Variants in GFRA1 observed in about 807,000 individuals in gnomAD.
The protein encoded by GFRA1 is GDNF family receptor alpha 1.
GFRA1 carries 16 observed loss-of-function variants against 51.6 expected under a neutral mutation model. The observed-to-expected ratio is 0.31, with a 90% CI of 0.21 to 0.47. The LOEUF is 0.47. GFRA1 is among the 20% of genes least tolerant of loss of function. GFRA1 has a pLI of 1.00. For synonymous variants in GFRA1, 270 were observed against 241.3 expected (o/e 1.12, Z -1.10); for missense variants, 530 against 594.3 (o/e 0.89, Z 1.13).
intron 6 of GFRA1, among the ~76,000 whole-genome samples, chr10:116,099,750 C>G (rs1956744475): frequency 6.6e-6 from 1 of 152,138 alleles, no homozygotes; most frequent in Non-Finnish European, 1.5e-5. Context: ...AACCCACAAT[C>G]TAGGTGCCAA....
intron 5 of GFRA1, among the ~76,000 whole-genome samples, chr10:116,204,711 T>A (rs1003136964): frequency 6.6e-6 from 1 of 152,124 alleles, no homozygotes; most frequent in Non-Finnish European, 1.5e-5. Flanking sequence ...AAAATAGTAA[T>A]AGATTAGAAC....
chr10:116,185,523 C>T (rs142198321), intron 5 of GFRA1, among the ~76,000 whole-genome samples: 34 of 152,294 alleles, frequency 2.2e-4, no homozygotes, highest in Admixed American at 2.1e-3. Context: ...CTGTTTACAC[C>T]TCCACTCCCC....
At chr10:116,094,115 A>G (rs942916933) in intron 7 of GFRA1, among the ~76,000 whole-genome samples, 5 of 152,178 alleles carry the variant, frequency 3.3e-5, no homozygotes, top group Non-Finnish European at 5.9e-5. Flanking sequence ...GTGGAGTAGG[A>G]AAGAATTAAC....
Position 116,064,437 on chromosome 10 carries a change from G to C in GFRA1, c.1359C>G (p.Thr453=). 6.2e-7 allele frequency: 1 copy of C among 1,612,678 alleles called. No individual in the cohort carries two copies. The highest frequency in any genetic ancestry group is 8.5e-7 in the Non-Finnish European group (1 of 1,179,606). Residue 453 remains threonine, a synonymous_variant, in exon 11 of 11, where the codon ACC becomes ACG. Coordinates refer to ENST00000355422, the MANE Select transcript of GFRA1 (RefSeq NM_005264.8). The part of the protein sequence containing the change: ...GLSPLLVLVV[T]ALSTLLSLTE... Reference sequence around the variant, plus strand: ...TTAAAGATAATAGGGTGGACAGAGCGGTTACCACCAGGACCAGCAGTGGGC... The same window carrying C: ...TTAAAGATAATAGGGTGGACAGAGCCGTTACCACCAGGACCAGCAGTGGGC...
Position 116,196,693 on chromosome 10 carries a change from TATATA to T in GFRA1, c.433+14933_433+14937del, listed in dbSNP as rs1439077453. ...ATAATATATATAATATATAGTACTA[TATATA>T]ATATATATTATATATAGTACTATAT... On this transcript the variant is annotated intron_variant, in intron 5 of 10. Transcript: ENST00000355422. 1.0e-4 allele frequency among the ~76,000 whole-genome samples: 5 copies of T among 48,348 alleles called. No individual in the cohort carries two copies. In the Admixed American group the frequency reaches 1.3e-3, roughly 13 times the overall value. 31.7% of individuals were successfully genotyped at this position (48,348 alleles called of 152,430 possible). A position where few individuals can be genotyped will look rare whatever the true frequency, so the allele number is the denominator to read the frequency against.
intron 9 of GFRA1, among the ~76,000 whole-genome samples, chr10:116,079,557 C>T (rs992178777): frequency 9.2e-5 from 14 of 152,120 alleles, no homozygotes; most frequent in African/African-American, 2.9e-4. Flanking sequence ...GCGCTTCTGC[C>T]CCCTGGAGAC....
At chr10:116,236,207 T>C (rs1054144877) in intron 4 of GFRA1, among the ~76,000 whole-genome samples, 2 of 152,110 alleles carry the variant, frequency 1.3e-5, no homozygotes, top group Non-Finnish European at 2.9e-5. Flanking sequence ...CAGCCCATGG[T>C]GCCCAAGGGG....
At chr10:116,114,958 G>A (rs1468355286) in intron 6 of GFRA1, among the ~76,000 whole-genome samples, 1 of 152,154 alleles carries the variant, frequency 6.6e-6, no homozygotes, top group Non-Finnish European at 1.5e-5. Flanking sequence ...CCAGTGGCTG[G>A]TGTCATAAGA....
intron 5 of GFRA1, among the ~76,000 whole-genome samples, chr10:116,151,962 T>C (rs1162166703): frequency 6.6e-6 from 1 of 151,970 alleles, no homozygotes; most frequent in Non-Finnish European, 1.5e-5. Flanking sequence ...AGAGGTGACT[T>C]GAGAGGTGGA....
intron 5 of GFRA1, among the ~76,000 whole-genome samples, chr10:116,128,961 T>C (rs926588022): frequency 5.9e-5 from 9 of 152,154 alleles, no homozygotes; most frequent in Admixed American, 1.3e-4. Flanking sequence ...TGACTTAGCC[T>C]CACTTTCTAC....
chr10:116,271,012 C>A lies in GFRA1; in HGVS notation c.144G>T (p.Thr48=), dbSNP rs75680382. The change falls in exon 3 of 11, where the codon ACG becomes ACT. Residue 48 remains threonine, a synonymous_variant. Transcript: ENST00000355422. ...CCTTGCCCGCCACGCACTGCCTTAG[C>A]GTGCGGTACTTGGTGCTGCAGCTCT... ...KEQSCSTKYR[T]LRQCVAGKET... The A allele has an allele frequency of 2.5e-6, 4 of 1,614,066 alleles. No individual in the cohort carries two copies. The highest frequency in any genetic ancestry group is 3.4e-6 in the Non-Finnish European group (4 of 1,179,992).
intron 4 of GFRA1, among the ~76,000 whole-genome samples, chr10:116,249,381 GCCC>G (rs1288351811): frequency 6.6e-6 from 1 of 152,066 alleles, no homozygotes; most frequent in Non-Finnish European, 1.5e-5. Context: ...TGCAGATGTC[GCCC>G]CCAACACAAA....
chr10:116,214,784 T>C lies in GFRA1; in HGVS notation c.419-3139A>G, dbSNP rs1312672143. Among the ~76,000 whole-genome samples, 3 of 152,350 alleles carry C rather than the reference T, an allele frequency of 2.0e-5. No homozygotes were observed. The East Asian group carries it at 5.8e-4, about 29-fold the overall frequency. ...GAGCACTTCCTTCAAAATTCAGTAC[T>C]GATTTGAATCACTCAAAAGTATCAG... On this transcript the variant is annotated intron_variant, in intron 4 of 10. Coordinates refer to ENST00000355422, the MANE Select transcript of GFRA1 (RefSeq NM_005264.8).
intron 4 of GFRA1, among the ~76,000 whole-genome samples, chr10:116,258,493 T>C (rs1193699005): frequency 6.7e-6 from 1 of 149,086 alleles, no homozygotes; most frequent in Non-Finnish European, 1.5e-5. Context: ...TATAATGTAA[T>C]ATATATATTA....
chr10:116,090,087 T>C lies in GFRA1; in HGVS notation c.1016-165A>G, dbSNP rs188623885. ...CCCTATACATGCTGAGAGCCAGTCTTTGGGGTCAGTTGCTCAAAAATCAAT... is the reference window on the plus strand; with the variant it reads ...CCCTATACATGCTGAGAGCCAGTCTCTGGGGTCAGTTGCTCAAAAATCAAT... On this transcript the variant is annotated intron_variant, in intron 8 of 10. Transcript: ENST00000355422. Among the ~76,000 whole-genome samples the C allele has an allele frequency of 3.3e-5, 5 of 152,270 alleles. No individual in the cohort carries two copies. The East Asian group carries it at 9.7e-4, about 29-fold the overall frequency.
chr10:116,213,996 A>G (rs567279416), intron 4 of GFRA1, among the ~76,000 whole-genome samples: 1 of 152,370 alleles, frequency 6.6e-6, no homozygotes, highest in Non-Finnish European at 1.5e-5. Flanking sequence ...ACTATACAGT[A>G]GTCTCTAACC....
chr10:116,062,414 T>C lies in GFRA1; in HGVS notation c.*1984A>G, dbSNP rs1197829955. The C allele has an allele frequency of 6.6e-6, 2 of 303,436 alleles. No individual in the cohort carries two copies. Among genetic ancestry groups the C allele is most frequent in the Non-Finnish European group, 1.2e-5 (2 of 167,188 alleles). The allele number at this position is 303,436 out of a possible 1,614,324, so 18.8% of individuals were successfully genotyped here. A position where few individuals can be genotyped will look rare whatever the true frequency, so the allele number is the denominator to read the frequency against. ...CAGTTGGGTGTCTGCTGAATTTCCC[T>C]TGAAAACATTTTGAAGTGAAAAAAG... On this transcript the variant is annotated 3_prime_UTR_variant, in exon 11 of 11. Transcript: ENST00000355422.
chr10:116,199,158 G>A (rs1964135609), intron 5 of GFRA1, among the ~76,000 whole-genome samples: 1 of 152,142 alleles, frequency 6.6e-6, no homozygotes, highest in Non-Finnish European at 1.5e-5. Context: ...GACAGTGAGG[G>A]AATAGATTTC....
intron 5 of GFRA1, among the ~76,000 whole-genome samples, chr10:116,140,424 T>G (rs1235473888): frequency 6.6e-6 from 1 of 152,330 alleles, no homozygotes; most frequent in East Asian, 1.9e-4. Context: ...ACATGAGAAG[T>G]TCTATTTGAT....
Sources: allele counts gnomAD v4.1 joint callset (sites outside exome capture counted in the v4.1 genomes callset), GRCh38; gene constraint gnomAD v4.1.1; transcripts MANE v1.5; gene names NCBI Gene and HGNC (gene_info 2026-07-23, HGNC 2026-07-21).